GRIN2D: variants seen among roughly 807,000 people sequenced by gnomAD.
GRIN2D encodes glutamate ionotropic receptor NMDA type subunit 2D, also known as glutamate receptor ionotropic, NMDA 2D.
In GRIN2D, 37 loss-of-function variants were observed where a neutral mutation model predicts 103.2. That is an observed-to-expected ratio of 0.36 (90% CI 0.28 to 0.47). The LOEUF (loss-of-function observed/expected upper bound fraction) is 0.47, where lower values mean the gene tolerates loss of function less well. Ranked by LOEUF, GRIN2D falls within the 20% of genes least tolerant of loss-of-function variation. The probability of loss-of-function intolerance (pLI) is 1.00; values close to 1 mark genes in which losing one functional copy is unlikely to be tolerated. For synonymous variants in GRIN2D, 845 were observed against 885.6 expected (o/e 0.95, Z 0.81); for missense variants, 1,557 against 1,910.6 (o/e 0.81, Z 3.45).
chr19:48,398,949 G>T (rs1485044219), intron 3 of GRIN2D, 92 bp downstream of exon 3: 7 of 1,094,346 alleles, frequency 6.4e-6, no homozygotes, highest in Non-Finnish European at 8.3e-6. Context: ...GCGGGGCCTA[G>T]AGGGGGCGGG....
Position 48,442,592 on chromosome 19 carries a change from A to G in GRIN2D, c.2674-8A>G. 6.7e-7 allele frequency: 1 copy of G among 1,499,030 alleles called. No individual in the cohort carries two copies. Among genetic ancestry groups the G allele is most frequent in the Non-Finnish European group, 8.8e-7 (1 of 1,130,566 alleles). The allele number at this position is 1,499,030 out of a possible 1,614,324, so 92.9% of individuals were successfully genotyped here. On this transcript the variant is annotated splice_region_variant and splice_polypyrimidine_tract_variant and intron_variant, in intron 13 of 13. Coordinates refer to ENST00000263269, the MANE Select transcript of GRIN2D (RefSeq NM_000836.4). The surrounding 1 kb of genome is among the most constrained non-coding windows in gnomAD (Gnocchi z 7.2). Reference sequence around the variant, plus strand: ...GCGCTGACCCCCGTCCTGTCCCCGGACCCGCAGGGCATGTACAGCTGCTGC... The same window carrying G: ...GCGCTGACCCCCGTCCTGTCCCCGGGCCCGCAGGGCATGTACAGCTGCTGC...
chr19:48,440,781 G>T (rs987121622), intron 11 of GRIN2D, among the ~76,000 whole-genome samples: 4 of 152,106 alleles, frequency 2.6e-5, no homozygotes, highest in Admixed American at 1.3e-4. Context: ...CTGCCTCCCA[G>T]GTTCAAGCAA....
At position 48,414,950 on chromosome 19, in the gene GRIN2D, G is replaced by A; in HGVS notation, c.1499G>A (p.Gly500Asp). The change falls in exon 7 of 14, where the codon GGC becomes GAC. Residue 500 changes from glycine (G) to aspartate (D), a missense_variant. Around this residue, in one of 7 missense-constraint regions of GRIN2D, gnomAD observed 197 missense variants for 334.1 expected, o/e 0.59. Transcript: ENST00000263269. The surrounding 1 kb of genome is among the most constrained non-coding windows in gnomAD (Gnocchi z 4.6). The part of the protein sequence containing the change: ...DILKRLAHTI[G>D]FSYDLYLVTN... The stretch of plus-strand genomic sequence containing the variant: ...CTGAAGCGGCTGGCGCATACCATCG[G>A]CTTCAGCTACGACCTCTACCTGGTC... 6.2e-7 allele frequency: 1 copy of A among 1,614,052 alleles called. No individual in the cohort carries two copies. The highest frequency in any genetic ancestry group is 8.5e-7 in the Non-Finnish European group (1 of 1,179,998).
intron 7 of GRIN2D, 129 bp from the exon 8 acceptor site, chr19:48,415,873 A>C: frequency 1.3e-6 from 1 of 760,330 alleles, no homozygotes; most frequent in Non-Finnish European, 2.3e-6. Flanking sequence ...CCCACCTCGC[A>C]ATCCCTCTTG....
chr19:48,398,503 G>T lies in GRIN2D; in HGVS notation c.111G>T (p.Gly37=). 6.9e-6 allele frequency: 7 copies of T among 1,011,590 alleles called. No homozygotes were observed. Among genetic ancestry groups the T allele is most frequent in the Non-Finnish European group, 8.2e-6 (7 of 848,920 alleles). The allele number at this position is 1,011,590 out of a possible 1,614,324, so 62.7% of individuals were successfully genotyped here. A position where few individuals can be genotyped will look rare whatever the true frequency, so the allele number is the denominator to read the frequency against. Residue 37 remains glycine (G), a synonymous_variant, in exon 3 of 14, where the codon GGG becomes GGT. Coordinates refer to ENST00000263269, the MANE Select transcript of GRIN2D (RefSeq NM_000836.4). The stretch of plus-strand genomic sequence containing the variant: ...CGGAGGAGGCGCCGGGGCCGGGCGG[G>T]GCCGGTGGGCCCGGCGGCGGCCTCG... ...PFPEEAPGPG[G]AGGPGGGLGG...
chr19:48,414,242 G>T lies in GRIN2D; in HGVS notation c.1201-131G>T, dbSNP rs1013500515. The T allele has an allele frequency of 3.3e-6, 3 of 909,636 alleles. No individual in the cohort carries two copies. Among genetic ancestry groups the T allele is most frequent in the African/African-American group, 1.6e-5 (1 of 61,084 alleles). The allele number at this position is 909,636 out of a possible 1,614,324, so 56.3% of individuals were successfully genotyped here. ...GACTCCTGGGTCCTGGGATCTGAAGGTGGGAGGGGCTCCTGGGTCTTGGAA... is the reference window on the plus strand; with the variant it reads ...GACTCCTGGGTCCTGGGATCTGAAGTTGGGAGGGGCTCCTGGGTCTTGGAA... On this transcript the variant is annotated intron_variant, in intron 5 of 13. Coordinates refer to ENST00000263269, the MANE Select transcript of GRIN2D (RefSeq NM_000836.4). The surrounding 1 kb of genome is among the most constrained non-coding windows in gnomAD (Gnocchi z 4.6).
At chr19:48,401,890 G>C (rs1443535700) in intron 3 of GRIN2D, among the ~76,000 whole-genome samples, 2 of 152,226 alleles carry the variant, frequency 1.3e-5, no homozygotes, top group African/African-American at 2.4e-5. Context: ...CACTTGAGGT[G>C]AGGAGTTTGA....
At chr19:48,426,224 C>CTTTTT (rs369360320) in intron 11 of GRIN2D, among the ~76,000 whole-genome samples, 77 of 120,062 alleles carry the variant, frequency 6.4e-4, no homozygotes, top group Non-Finnish European at 7.4e-4. Context: ...TTCTTTCTTT[C>CTTTTT]TTTTTTTTTT....
intron 11 of GRIN2D, among the ~76,000 whole-genome samples, chr19:48,440,279 T>C (rs1191683879): frequency 6.6e-6 from 1 of 152,148 alleles, no homozygotes; most frequent in Non-Finnish European, 1.5e-5. Flanking sequence ...GTTATGTGTC[T>C]GGGTCTGTGT....
intron 3 of GRIN2D, among the ~76,000 whole-genome samples, chr19:48,399,244 C>T (rs1970681340): frequency 6.6e-6 from 1 of 152,104 alleles, no homozygotes; most frequent in African/African-American, 2.4e-5. Context: ...GGGGTGGGAC[C>T]TAGGATCAGC....
chr19:48,443,178 C>A lies in GRIN2D; in HGVS notation c.3252C>A (p.Gly1084=). The A allele has an allele frequency of 9.4e-7, 1 of 1,069,504 alleles. No homozygotes were observed. 66.3% of individuals were successfully genotyped at this position (1,069,504 alleles called of 1,614,324 possible). A position where few individuals can be genotyped will look rare whatever the true frequency, so the allele number is the denominator to read the frequency against. ...CGGGCGGCGCGGGGGGCACGGGGGG[C>A]GCAGGCGGAGGAGCCCCGGCCGCTC... ...PGAGGAGGTG[G]AGGGAPAAPP... The change falls in exon 14 of 14, where the codon GGC becomes GGA. Residue 1084 remains glycine (G), a synonymous_variant. Transcript: ENST00000263269. The surrounding 1 kb of genome is among the most constrained non-coding windows in gnomAD (Gnocchi z 8.9).
chr19:48,434,066 A>G (rs940837984), intron 11 of GRIN2D, among the ~76,000 whole-genome samples: 1 of 149,922 alleles, frequency 6.7e-6, no homozygotes, highest in African/African-American at 2.5e-5. Context: ...CTCCTGCCTC[A>G]GCTTCCCGAG....
At chr19:48,396,563 G>A (rs1156882648) in intron 2 of GRIN2D, among the ~76,000 whole-genome samples, 2 of 151,890 alleles carry the variant, frequency 1.3e-5, no homozygotes, top group Non-Finnish European at 2.9e-5. Context: ...GAGTGGGGGG[G>A]TTATTCTGAG....
intron 11 of GRIN2D, among the ~76,000 whole-genome samples, chr19:48,441,208 C>T (rs1489358004): frequency 6.6e-6 from 1 of 151,550 alleles, no homozygotes; most frequent in Non-Finnish European, 1.5e-5. Flanking sequence ...ACTAAAAATG[C>T]AAAAATTAGC....
rs112214473 is a variant in GRIN2D, at chr19:48,443,993, G to A, written c.*56G>A. On this transcript the variant is annotated 3_prime_UTR_variant, in exon 14 of 14. Coordinates refer to ENST00000263269, the MANE Select transcript of GRIN2D (RefSeq NM_000836.4). This position sits in a 1 kb window ranked among gnomAD's most constrained non-coding sequence, Gnocchi z 8.9. ...GTCAGCGCAGGCCACGGCCCGAGGG[G>A]GCGCCCGCAGTGGACAGGACCCGCG... is the stretch of plus-strand genomic sequence containing the variant. 8.4e-7 allele frequency: 1 copy of A among 1,194,188 alleles called. No homozygotes were observed. Among genetic ancestry groups the A allele is most frequent in the Non-Finnish European group, 1.1e-6 (1 of 917,932 alleles). 74.0% of individuals were successfully genotyped at this position (1,194,188 alleles called of 1,614,324 possible).
rs1012491230 is a variant in GRIN2D at position 48,394,340 on chromosome 19, C to T, written c.-305-318C>T. On this transcript the variant is annotated intron_variant, in intron 1 of 13. Coordinates refer to ENST00000263269, the MANE Select transcript of GRIN2D (RefSeq NM_000836.4). This position sits in a 1 kb window ranked among gnomAD's most constrained non-coding sequence, Gnocchi z 5.1. ...AAGGGGGGGTCTAGAGGTGGCCAAG[C>T]GAGGAAGGGGCAAGCAGTTCCCCAA... Among the ~76,000 whole-genome samples, 3 of 150,838 alleles carry T rather than the reference C, an allele frequency of 2.0e-5. No individual in the cohort carries two copies. Among genetic ancestry groups the T allele is most frequent in the East Asian group, 2.0e-4 (1 of 5,114 alleles).
chr19:48,407,676 G>A (rs772535499), intron 4 of GRIN2D, among the ~76,000 whole-genome samples: 1 of 152,200 alleles, frequency 6.6e-6, no homozygotes, highest in Non-Finnish European at 1.5e-5. Flanking sequence ...TAGGCACAGG[G>A]TGTATATAGT....
rs374160642 is a variant in GRIN2D at position 48,405,006 on chromosome 19, C to A, written c.738C>A (p.Leu246=). ...LRSVSAQIRL[L]FCAREEAEPV... ...GTGTCAGCGCGCAGATCCGCCTGCT[C>A]TTCTGCGCCCGAGAGGAGGCCGAGC... The change falls in exon 4 of 14, where the codon CTC becomes CTA. Residue 246 remains leucine (L), a synonymous_variant. Coordinates refer to ENST00000263269, the MANE Select transcript of GRIN2D (RefSeq NM_000836.4). The surrounding 1 kb of genome is among the most constrained non-coding windows in gnomAD (Gnocchi z 5.1). 7 of 1,612,258 alleles carry A rather than the reference C, an allele frequency of 4.3e-6. No individual in the cohort carries two copies. The African/African-American group carries it at 9.3e-5, about 22-fold the overall frequency.
At position 48,444,692 on chromosome 19, in the gene GRIN2D, TC is replaced by T. The variant is rs1289423287; in HGVS notation, c.*757del. The T allele has an allele frequency of 6.6e-6, 1 of 152,474 alleles. No homozygotes were observed. The highest frequency in any genetic ancestry group is 2.4e-5 in the African/African-American group (1 of 41,340). 9.4% of individuals were successfully genotyped at this position (152,474 alleles called of 1,614,324 possible). A position where few individuals can be genotyped will look rare whatever the true frequency, so the allele number is the denominator to read the frequency against. On this transcript the variant is annotated 3_prime_UTR_variant, in exon 14 of 14. Transcript: ENST00000263269. The surrounding 1 kb of genome is among the most constrained non-coding windows in gnomAD (Gnocchi z 5.5). Reference sequence around the variant, plus strand: ...CCAAAACTTCCCACCCTGCCGCACCTCCGGACCACCCCACTTGCCACCAAGC... The same window carrying T: ...CCAAAACTTCCCACCCTGCCGCACCTCGGACCACCCCACTTGCCACCAAGC...
Sources: gnomAD v4.1 joint callset for allele counts (sites outside exome capture counted in the v4.1 genomes callset) on GRCh38, gnomAD v4.1.1 for gene constraint, gnomAD v4.1.1 regional missense constraint, Gnocchi (gnomAD v3.1) non-coding constraint, MANE v1.5 for transcripts, NCBI Gene and HGNC (gene_info 2026-07-23, HGNC 2026-07-21) for gene names.